ADAMTS13: variants seen among roughly 807,000 people sequenced by gnomAD.
The protein encoded by ADAMTS13 is A disintegrin and metalloproteinase with thrombospondin motifs 13.
Under a neutral mutation model 155.1 loss-of-function variants are expected in ADAMTS13, and 110 were observed. That is an observed-to-expected ratio of 0.71 (90% confidence interval 0.61 to 0.83). The LOEUF (loss-of-function observed/expected upper bound fraction) is 0.83. Among genes scored for constraint, ADAMTS13 ranks in the 40% least tolerant of loss-of-function variants. The pLI is 0.00. For missense variants in ADAMTS13, 1,707 were observed against 1,891.7 expected (o/e 0.90, Z 1.81); for synonymous variants, 758 against 756.4 (o/e 1.00, Z -0.03).
upstream of ADAMTS13, among the ~76,000 whole-genome samples, chr9:133,420,492 T>C (rs1554782851): frequency 1.3e-5 from 2 of 152,280 alleles, no homozygotes. Context: ...GAGAACTTCC[T>C]GCCCAGGTTC....
At position 133,436,835 on chromosome 9, in the gene ADAMTS13, G is replaced by A. The variant is rs748223519; in HGVS notation, c.1315G>A (p.Glu439Lys). Residue 439 changes from glutamate (E) to lysine (K), a missense_variant, in exon 12 of 29, where the codon GAG becomes AAG. By Grantham distance (56) the Glu-to-Lys change is moderately conservative (BLOSUM62 1). Transcript: ENST00000355699. ...TCTGCCTCCTCCTGGCCAGGCCTGC[G>A]AGAAGACCCAGCTGGAGTTCATGTC... ...QAEMCNTQAC[E>K]KTQLEFMSQQ... 13 of 1,573,362 alleles carry A rather than the reference G, an allele frequency of 8.3e-6. No homozygotes were observed. The highest frequency in any genetic ancestry group is 4.6e-5 in the South Asian group (4 of 86,684).
Position 133,456,053 on chromosome 9 carries a change from CCTG to C in ADAMTS13, c.3401-13_3401-11del, listed in dbSNP as rs782135363. On this transcript the variant is annotated splice_polypyrimidine_tract_variant and intron_variant, in intron 25 of 28. Transcript: ENST00000355699. This position sits in a 1 kb window ranked among gnomAD's most constrained non-coding sequence, Gnocchi z 4.4. ...TCGGGGAAGCACTGCTTACCTGTCT[CCTG>C]CTCCCTTTTCAGGTGCCTGTGGCAG... 6.2e-7 allele frequency: 1 copy of C among 1,613,196 alleles called. No individual in the cohort carries two copies. The highest frequency in any genetic ancestry group is 1.1e-5 in the South Asian group (1 of 91,086).
intron 1 of ADAMTS13, among the ~76,000 whole-genome samples, chr9:133,416,957 A>G (rs1554781712): frequency 3.3e-5 from 5 of 152,176 alleles, no homozygotes; most frequent in Admixed American, 3.3e-4. Context: ...TCTGCTTTTC[A>G]CTTCTACACA....
chr9:133,459,121 C>T lies in ADAMTS13; in HGVS notation c.4057C>T (p.Gln1353Ter), dbSNP rs781956159. 2.7e-5 allele frequency: 43 copies of T among 1,612,690 alleles called. No homozygotes were observed. Among genetic ancestry groups the T allele is most frequent in the Non-Finnish European group, 3.5e-5 (41 of 1,179,874 alleles). Residue 1353 changes from glutamine to a stop codon, truncating the protein, a stop_gained, in exon 29 of 29, where the codon CAA (glutamine) becomes TAA (stop). Transcript: ENST00000355699. LOFTEE classifies it low-confidence loss of function (END_TRUNC). ...CCTGCGGGGCCAGTACTGGACCCTCCAATCATGGGTACCGGAGATGCAGGA... is the reference window on the plus strand; with the variant it reads ...CCTGCGGGGCCAGTACTGGACCCTCTAATCATGGGTACCGGAGATGCAGGA... The part of the protein sequence containing the change: ...ASLRGQYWTL[Q>*]SWVPEMQDPQ...
chr9:133,456,013 C>T lies in ADAMTS13; in HGVS notation c.3401-56C>T. ...TTCCTCAGCTTGGAAGCCCCGGAGC[C>T]TGCCCTGCTGGGAATCGGGGAAGCA... On this transcript the variant is annotated intron_variant, in intron 25 of 28. Transcript: ENST00000355699. The surrounding 1 kb of genome is among the most constrained non-coding windows in gnomAD (Gnocchi z 4.4). The T allele has an allele frequency of 1.9e-6, 3 of 1,611,554 alleles. No homozygotes were observed. The highest frequency in any genetic ancestry group is 2.5e-6 in the Non-Finnish European group (3 of 1,179,540).
In ADAMTS13 at chr9:133,456,661, AGGAGGT is replaced by A. The variant is rs1554796140; in HGVS notation, c.3669_3674del (p.Gly1224_Gly1225del). On this transcript the variant is annotated inframe_deletion, in exon 27 of 29. Coordinates refer to ENST00000355699, the MANE Select transcript of ADAMTS13 (RefSeq NM_139027.6). The surrounding 1 kb of genome is among the most constrained non-coding windows in gnomAD (Gnocchi z 4.4). ...TGGTGAGGCAGCGCTGCGGGCGGCC[AGGAGGT>A]GGGGTGCTGCTGCGGTATGGGAGCC... The A allele has an allele frequency of 1.0e-5, 16 of 1,600,818 alleles. No homozygotes were observed. The highest frequency in any genetic ancestry group is 1.4e-5 in the Non-Finnish European group (16 of 1,173,632).
At chr9:133,426,379 G>T (rs782035237) in intron 6 of ADAMTS13, 34 bp downstream of exon 6, 1 of 1,598,476 alleles carries the variant, frequency 6.3e-7, no homozygotes, top group Non-Finnish European at 8.5e-7. Context: ...CCAGGATCTG[G>T]CAAGGAGCTG....
In ADAMTS13 at chr9:133,455,427, TGGGACA is replaced by T; in HGVS notation, c.3396_3400+1del. 1 of 1,612,560 alleles carries T rather than the reference TGGGACA, an allele frequency of 6.2e-7. No individual in the cohort carries two copies. On this transcript the variant is annotated inframe_deletion and splice_region_variant, in exon 25 of 29. Transcript: ENST00000355699. ...CGTGGCTGCTGGGCTGGGCCCTGTG[TGGGACA>T]GGGTACGCCCAGCCTGGTGCCCCAC...
chr9:133,415,381 T>C (rs1185503883), intron 1 of ADAMTS13, among the ~76,000 whole-genome samples: 1 of 151,914 alleles, frequency 6.6e-6, no homozygotes, highest in Non-Finnish European at 1.5e-5. Flanking sequence ...CCCTCACAGC[T>C]TGGGCCAACA....
upstream of ADAMTS13, among the ~76,000 whole-genome samples, chr9:133,420,868 A>G (rs1839924137): frequency 6.6e-6 from 1 of 152,248 alleles, no homozygotes; most frequent in African/African-American, 2.4e-5. Flanking sequence ...GGAAGTGGAG[A>G]TAGCCACTGA....
chr9:133,445,120 C>A lies in ADAMTS13; in HGVS notation c.2610+68C>A. On this transcript the variant is annotated intron_variant, in intron 20 of 28. Coordinates refer to ENST00000355699, the MANE Select transcript of ADAMTS13 (RefSeq NM_139027.6). The surrounding 1 kb of genome is among the most constrained non-coding windows in gnomAD (Gnocchi z 5.0). Reference sequence around the variant, plus strand: ...TTTACCTGGCTGGGAGAACGAGGAGCACCCATTGCCACCGTCCTCCAGGCC... The same window carrying A: ...TTTACCTGGCTGGGAGAACGAGGAGAACCCATTGCCACCGTCCTCCAGGCC... 1 of 1,511,982 alleles carries A rather than the reference C, an allele frequency of 6.6e-7. No individual in the cohort carries two copies. Among genetic ancestry groups the A allele is most frequent in the Non-Finnish European group, 9.0e-7 (1 of 1,116,246 alleles). The allele number at this position is 1,511,982 out of a possible 1,614,324, so 93.7% of individuals were successfully genotyped here. A position where few individuals can be genotyped will look rare whatever the true frequency, so the allele number is the denominator to read the frequency against.
At chr9:133,423,234 T>A in intron 2 of ADAMTS13, 67 bp downstream of exon 2, 1 of 1,467,032 alleles carries the variant, frequency 6.8e-7, no homozygotes. Context: ...ATCTCACCAC[T>A]GAGTCAGTGG....
rs587681892 is a variant in ADAMTS13 at position 133,454,522 on chromosome 9, A to T, written c.3152A>T (p.Asp1051Val). 15 of 1,611,322 alleles carry T rather than the reference A, an allele frequency of 9.3e-6. No individual in the cohort carries two copies. The South Asian group carries it at 1.6e-4, about 18-fold the overall frequency. ...QLDQGQDVEV[D>V]EAACAALVRP... ...GACCAAGGCCAGGACGTGGAGGTGG[A>T]CGAGGCGGCCTGTGCGGCGCTGGTG... The change falls in exon 24 of 29, where the codon GAC (aspartate) becomes GTC (valine). Residue 1051 changes from aspartate to valine, a missense_variant. By Grantham distance (152) the Asp-to-Val change is radical. Transcript: ENST00000355699.
chr9:133,425,454 C>T lies in ADAMTS13; in HGVS notation c.331-75C>T, dbSNP rs1840217382. 2.1e-6 allele frequency: 3 copies of T among 1,400,582 alleles called. No individual in the cohort carries two copies. In the African/African-American group the frequency reaches 4.2e-5, roughly 20 times the overall value. 86.8% of individuals were successfully genotyped at this position (1,400,582 alleles called of 1,614,324 possible). On this transcript the variant is annotated intron_variant, in intron 3 of 28. Coordinates refer to ENST00000355699, the MANE Select transcript of ADAMTS13 (RefSeq NM_139027.6). This position sits in a 1 kb window ranked among gnomAD's most constrained non-coding sequence, Gnocchi z 4.6. ...CTCCAGCTCTTCACACTCCGGGGGC[C>T]CCTGGGAGTCAGCAGCTGCCTGGGG...
chr9:133,436,965 G>A lies in ADAMTS13; in HGVS notation c.1435+10G>A. The A allele has an allele frequency of 1.4e-5, 23 of 1,595,134 alleles. No individual in the cohort carries two copies. The highest frequency in any genetic ancestry group is 1.8e-5 in the Non-Finnish European group (21 of 1,172,672). On this transcript the variant is annotated intron_variant, in intron 12 of 28. Transcript: ENST00000355699. ...GTACCACACAGCCAAGGTGGGGCCT[G>A]CGGAGTGTGGGGTTGGGGGAGGAGC...
chr9:133,443,680 TCCAG>T, intron 19 of ADAMTS13, 119 bp downstream of exon 19: 1 of 1,138,048 alleles, frequency 8.8e-7, no homozygotes, highest in South Asian at 1.7e-5. Flanking sequence ...GGCCTCACCA[TCCAG>T]GGTGATGGGC....
At position 133,445,691 on chromosome 9, in the gene ADAMTS13, C is replaced by T. The variant is rs887259562; in HGVS notation, c.2611-8C>T. On this transcript the variant is annotated splice_polypyrimidine_tract_variant and splice_region_variant and intron_variant, in intron 20 of 28. Coordinates refer to ENST00000355699, the MANE Select transcript of ADAMTS13 (RefSeq NM_139027.6). The surrounding 1 kb of genome is among the most constrained non-coding windows in gnomAD (Gnocchi z 5.0). ...CCAGACCCACCAGCTTGTTGCTATT[C>T]CCCACAGCTGGATGCCACCTCTGCA... 1 of 1,612,782 alleles carries T rather than the reference C, an allele frequency of 6.2e-7. No homozygotes were observed. Among genetic ancestry groups the T allele is most frequent in the Admixed American group, 1.7e-5 (1 of 59,988 alleles).
chr9:133,447,139 GCCC>G (rs1842119639), intron 21 of ADAMTS13, among the ~76,000 whole-genome samples: 1 of 152,098 alleles, frequency 6.6e-6, no homozygotes, highest in Non-Finnish European at 1.5e-5. Context: ...ACAGGCGTGA[GCCC>G]CCACACCTGG....
chr9:133,414,851 C>T (rs1839473675), intron 1 of ADAMTS13: 13 of 1,614,190 alleles, frequency 8.1e-6, no homozygotes, highest in Non-Finnish European at 1.1e-5. Context: ...AACAGAGCCC[C>T]TGCTGGCCTC....
Sources: allele counts gnomAD v4.1 joint callset (sites outside exome capture counted in the v4.1 genomes callset), GRCh38; gene constraint gnomAD v4.1.1; non-coding constraint Gnocchi (gnomAD v3.1); transcripts MANE v1.5; gene names NCBI Gene and HGNC (gene_info 2026-07-23, HGNC 2026-07-21).